The following MYRF variants were observed in gnomAD, a reference collection of about 807,000 sequenced individuals.
MYRF encodes myelin regulatory factor.
A neutral mutation model predicts 126.3 loss-of-function variants in MYRF; 16 were observed. The observed-to-expected ratio is 0.13, with a 90% CI of 0.09 to 0.19. The LOEUF (loss-of-function observed/expected upper bound fraction) is 0.19, where lower values mean the gene tolerates loss of function less well. Among genes scored for constraint, MYRF ranks in the 10% least tolerant of loss-of-function variants. MYRF has a pLI of 1.00. For missense variants in MYRF, 1,104 were observed against 1,547.0 expected, an observed-to-expected ratio of 0.71 and a Z score of 4.80; for synonymous variants, 608 against 635.3, an observed-to-expected ratio of 0.96 and a Z score of 0.65.
Position 61,777,552 on chromosome 11 carries a change from C to A in MYRF, c.1791+88C>A. On this transcript the variant is annotated intron_variant, in intron 12 of 26. Transcript: ENST00000278836. This position sits in a 1 kb window ranked among gnomAD's most constrained non-coding sequence, Gnocchi z 8.8. ...CTCCTGGGGAGGGGGCGTGACTACG[C>A]GGAAAGGCGGAGCTGCGGGGGAAGG... 1 of 1,460,056 alleles carries A rather than the reference C, an allele frequency of 6.8e-7. No homozygotes were observed. Among genetic ancestry groups the A allele is most frequent in the Non-Finnish European group, 9.3e-7 (1 of 1,078,176 alleles). 90.4% of individuals were successfully genotyped at this position (1,460,056 alleles called of 1,614,324 possible).
At chr11:61,767,474 T>A (rs1173709946) in intron 3 of MYRF, 1 of 455,734 alleles carries the variant, frequency 2.2e-6, no homozygotes, top group Non-Finnish European at 4.4e-6. Flanking sequence ...AGGGACTCTG[T>A]GGGCAGGGCC....
chr11:61,755,392 A>G (rs2065722570), intron 1 of MYRF: 2 of 1,600,746 alleles, frequency 1.2e-6, no homozygotes, highest in Non-Finnish European at 1.7e-6. Flanking sequence ...CGGCGGGCAC[A>G]GGGCCTGCAG....
chr11:61,770,476 A>G lies in MYRF; in HGVS notation c.691A>G (p.Thr231Ala). The change falls in exon 5 of 27, where the codon ACC (threonine) becomes GCC (alanine). Residue 231 changes from threonine (T) to alanine (A), a missense_variant. Transcript: ENST00000278836. ...GCTGGTGCCCACTGATCTTCACCAC[A>G]CCCAGCAGTCCCAGATGCTGCACCA... Reference protein sequence around the residue: ...QGLVPTDLHHTQQSQMLHQLL... With the variant: ...QGLVPTDLHHAQQSQMLHQLL... 6 of 1,563,822 alleles carry G rather than the reference A, an allele frequency of 3.8e-6. No homozygotes were observed. Among genetic ancestry groups the G allele is most frequent in the Non-Finnish European group, 5.2e-6 (6 of 1,154,312 alleles).
intron 4 of MYRF, among the ~76,000 whole-genome samples, 156 bp downstream of exon 4, chr11:61,769,477 T>TC (rs963421386): frequency 1.9e-4 from 29 of 152,188 alleles, no homozygotes; most frequent in Middle Eastern, 3.4e-3. Context: ...GGCTATTGTT[T>TC]CCCCACGGGC....
chr11:61,758,221 G>T (rs185393606), intron 1 of MYRF, among the ~76,000 whole-genome samples: 1 of 152,260 alleles, frequency 6.6e-6, no homozygotes, highest in East Asian at 1.9e-4. Context: ...AGTGAGGGAA[G>T]TTCTCCCTCC....
In MYRF at chr11:61,766,828, T is replaced by G. The variant is rs553208341; in HGVS notation, c.398+607T>G. 169 of 349,356 alleles carry G rather than the reference T, an allele frequency of 4.8e-4. 1 individual carries two copies. Among genetic ancestry groups the G allele is most frequent in the South Asian group, 3.3e-3 (148 of 44,604 alleles). The allele number at this position is 349,356 out of a possible 1,614,324, so 21.6% of individuals were successfully genotyped here. On this transcript the variant is annotated intron_variant, in intron 3 of 26. Coordinates refer to ENST00000278836, the MANE Select transcript of MYRF (RefSeq NM_001127392.3). ...ACTCCAGGGCAGCTCCCGGGGCACA[T>G]GCTCACAGCGGGAGGCTGGGAGCAT...
In MYRF at chr11:61,769,435, G is replaced by A. The variant is rs2066148148; in HGVS notation, c.460+114G>A. The A allele has an allele frequency of 5.2e-6, 4 of 775,098 alleles. No individual in the cohort carries two copies. In the Admixed American group the frequency reaches 8.7e-5, roughly 17 times the overall value. The allele number at this position is 775,098 out of a possible 1,614,324, so 48.0% of individuals were successfully genotyped here. On this transcript the variant is annotated intron_variant, in intron 4 of 26. Transcript: ENST00000278836. ...GGCCAGCGGCTGCCCAACGGGCTGA[G>A]ATTATCGCTGGTCAAATACTCCCTG...
At position 61,780,297 on chromosome 11, in the gene MYRF, T is replaced by C. The variant is rs1407074356; in HGVS notation, c.2405+7T>C. 1 of 1,609,742 alleles carries C rather than the reference T, an allele frequency of 6.2e-7. No homozygotes were observed. Among genetic ancestry groups the C allele is most frequent in the East Asian group, 2.2e-5 (1 of 44,858 alleles). ...ACCTGGTAGACACTGATGGGTAGGT[T>C]CCTGGAGGCCAAGCCAAGCTGCCAG... On this transcript the variant is annotated splice_region_variant and intron_variant, in intron 18 of 26. Transcript: ENST00000278836.
chr11:61,764,724 C>A (rs2066003430), intron 1 of MYRF, among the ~76,000 whole-genome samples: 1 of 152,190 alleles, frequency 6.6e-6, no homozygotes, highest in Non-Finnish European at 1.5e-5. Flanking sequence ...AGGGGAAAGG[C>A]CGGCACCTCC....
At chr11:61,772,174 G>A (rs2066242307) in intron 7 of MYRF, among the ~76,000 whole-genome samples, 1 of 152,214 alleles carries the variant, frequency 6.6e-6, no homozygotes, top group African/African-American at 2.4e-5. Flanking sequence ...GGGGCAGCTG[G>A]GAACCAAGTC....
chr11:61,770,898 TGAG>T (rs899852040), intron 5 of MYRF, among the ~76,000 whole-genome samples: 2 of 152,200 alleles, frequency 1.3e-5, no homozygotes, highest in Non-Finnish European at 2.9e-5. Flanking sequence ...CTCAGGTTTC[TGAG>T]GAGTCTTCTT....
chr11:61,780,661 C>T (rs988539903), intron 18 of MYRF, 51 bp from the exon 19 acceptor site: 4 of 1,520,742 alleles, frequency 2.6e-6, no homozygotes, highest in Admixed American at 3.9e-5. Context: ...TGTGTCTTCT[C>T]TTCTCTTCCC....
Position 61,776,538 on chromosome 11 carries a change from A to C in MYRF, c.1499+106A>C. ...AGAGTCCTACAGGCTGAGCCATTTC[A>C]CAGATGAGAGACCTGAGATTTAGAG... On this transcript the variant is annotated intron_variant, in intron 10 of 26. Transcript: ENST00000278836. The surrounding 1 kb of genome is among the most constrained non-coding windows in gnomAD (Gnocchi z 4.3). 1 of 935,752 alleles carries C rather than the reference A, an allele frequency of 1.1e-6. No homozygotes were observed. Among genetic ancestry groups the C allele is most frequent in the Non-Finnish European group, 1.6e-6 (1 of 610,490 alleles). 58.0% of individuals were successfully genotyped at this position (935,752 alleles called of 1,614,324 possible). A position where few individuals can be genotyped will look rare whatever the true frequency, so the allele number is the denominator to read the frequency against.
chr11:61,759,829 T>C (rs762902506), intron 1 of MYRF, among the ~76,000 whole-genome samples: 4 of 152,192 alleles, frequency 2.6e-5, no homozygotes, highest in Non-Finnish European at 5.9e-5. Flanking sequence ...TTGTCAGGTG[T>C]GGCTGCTGGG....
At chr11:61,772,681 T>C (rs1291982269) in intron 7 of MYRF, among the ~76,000 whole-genome samples, 4 of 152,198 alleles carry the variant, frequency 2.6e-5, no homozygotes, top group Non-Finnish European at 5.9e-5. Context: ...AGGAAACCCC[T>C]TACTCTTACT....
At chr11:61,774,540 A>C (rs1020856076) in intron 8 of MYRF, among the ~76,000 whole-genome samples, 7 of 151,160 alleles carry the variant, frequency 4.6e-5, no homozygotes, top group African/African-American at 1.7e-4. Context: ...AAAAGAAAAA[A>C]AAAAAAGCAA....
At chr11:61,764,791 C>T (rs1216805787) in intron 1 of MYRF, among the ~76,000 whole-genome samples, 2 of 152,222 alleles carry the variant, frequency 1.3e-5, no homozygotes, top group Non-Finnish European at 1.5e-5. Flanking sequence ...AGGGGCCCCT[C>T]CCCTTGGTGG....
At position 61,765,965 on chromosome 11, in the gene MYRF, C is replaced by A; in HGVS notation, c.142C>A (p.Pro48Thr). The change falls in exon 3 of 27, where the codon CCT becomes ACT. Residue 48 changes from proline (P) to threonine (T), a missense_variant. Physicochemically the swap from Pro to Thr is conservative, Grantham distance 38. Transcript: ENST00000278836. ...CGCCCCCCTTCCCCGCAGCTGCTTC[C>A]CTGACATCTCTGCTCCAGCCAGCTC... is the stretch of plus-strand genomic sequence containing the variant. Reference protein sequence around the residue: ...SKEDASDLCFPDISAPASSAS... With the variant: ...SKEDASDLCFTDISAPASSAS... 6.6e-7 allele frequency: 1 copy of A among 1,519,956 alleles called. No individual in the cohort carries two copies. The highest frequency in any genetic ancestry group is 8.8e-7 in the Non-Finnish European group (1 of 1,136,336). The allele number at this position is 1,519,956 out of a possible 1,614,324, so 94.2% of individuals were successfully genotyped here.
chr11:61,762,401 C>T (rs964703646), intron 1 of MYRF, among the ~76,000 whole-genome samples: 2 of 152,202 alleles, frequency 1.3e-5, no homozygotes, highest in African/African-American at 4.8e-5. Flanking sequence ...TGGGCAGCCT[C>T]GGGCAGCCTC....
Sources: gnomAD v4.1 joint callset for allele counts (sites outside exome capture counted in the v4.1 genomes callset) on GRCh38, gnomAD v4.1.1 for gene constraint, Gnocchi (gnomAD v3.1) non-coding constraint, MANE v1.5 for transcripts, NCBI Gene and HGNC (gene_info 2026-07-23, HGNC 2026-07-21) for gene names.